CALN1: variants seen among roughly 807,000 people sequenced by gnomAD.
The protein encoded by CALN1 is calneuron 1.
A neutral mutation model predicts 30.6 loss-of-function variants in CALN1; 17 were observed. The observed-to-expected ratio is 0.56, with a 90% CI of 0.38 to 0.83. CALN1 has a LOEUF of 0.83. CALN1 is among the 40% of genes least tolerant of loss of function. The pLI is 0.00. For missense variants in CALN1, 291 were observed against 354.9 expected, an observed-to-expected ratio of 0.82 and a Z score of 1.45; for synonymous variants, 156 against 131.4, an observed-to-expected ratio of 1.19 and a Z score of -1.28.
chr7:71,913,385 C>G (rs534550058), intron 5 of CALN1, among the ~76,000 whole-genome samples: 2 of 152,164 alleles, frequency 1.3e-5, no homozygotes, highest in East Asian at 3.9e-4. Flanking sequence ...TTCAAAAGAT[C>G]AGAGGGGCAG....
chr7:71,897,428 C>A (rs1793590834), intron 5 of CALN1, among the ~76,000 whole-genome samples: 2 of 151,976 alleles, frequency 1.3e-5, no homozygotes, highest in Non-Finnish European at 2.9e-5. Flanking sequence ...TTGGAAGAAC[C>A]AAGCACTTGC....
At chr7:71,982,174 T>C (rs1798433801) in intron 5 of CALN1, among the ~76,000 whole-genome samples, 1 of 152,198 alleles carries the variant, frequency 6.6e-6, no homozygotes, top group South Asian at 2.1e-4. Flanking sequence ...GAAGCCCCTC[T>C]GTCTCCCTGC....
At chr7:72,301,207 C>T (rs1343172165) in intron 2 of CALN1, among the ~76,000 whole-genome samples, 1 of 152,080 alleles carries the variant, frequency 6.6e-6, no homozygotes, top group African/African-American at 2.4e-5. Flanking sequence ...TCCCAGTCAG[C>T]AGTTGCTAAG....
chr7:72,010,071 A>G (rs1331988748), intron 5 of CALN1, among the ~76,000 whole-genome samples: 2 of 152,218 alleles, frequency 1.3e-5, no homozygotes, highest in African/African-American at 2.4e-5. Context: ...ATTTGTAGAC[A>G]AAGTCATTGC....
intron 1 of CALN1, among the ~76,000 whole-genome samples, chr7:72,440,601 C>T (rs35218645): frequency 0.27 from 41,159 of 151,916 alleles, 6,022 homozygotes; most frequent in African/African-American, 0.37. Context: ...CTGAGGCAGG[C>T]GGATCACTTG....
chr7:72,230,545 A>G (rs530558348), intron 3 of CALN1, among the ~76,000 whole-genome samples: 3 of 151,116 alleles, frequency 2.0e-5, no homozygotes, highest in African/African-American at 7.3e-5. Flanking sequence ...ACAGTAGGAG[A>G]GTCAGAGAGA....
At chr7:72,083,344 T>A (rs1805276449) in intron 4 of CALN1, among the ~76,000 whole-genome samples, 1 of 152,080 alleles carries the variant, frequency 6.6e-6, no homozygotes, top group African/African-American at 2.4e-5. Context: ...AAATACAAAA[T>A]GTGAACAAAT....
chr7:71,790,309 AAG>A (rs1793260496), intron 6 of CALN1, among the ~76,000 whole-genome samples: 1 of 149,970 alleles, frequency 6.7e-6, no homozygotes, highest in African/African-American at 2.5e-5. Context: ...AGGAGAAAGA[AAG>A]AAGAAAGAAA....
chr7:71,886,691 T>TGAATCTGG (rs531952915), intron 5 of CALN1, among the ~76,000 whole-genome samples: 134 of 150,586 alleles, frequency 8.9e-4, no homozygotes, highest in Non-Finnish European at 1.5e-3. Context: ...AAGAATCACT[T>TGAATCTGG]GAATCTGGGA....
In CALN1 at chr7:71,855,554, C is replaced by T. The variant is rs1166530016; in HGVS notation, c.502-45062G>A. On this transcript the variant is annotated intron_variant, in intron 5 of 6. Coordinates refer to ENST00000395275, the MANE Select transcript of CALN1 (RefSeq NM_031468.4). ...GCTTGGCAATTCAAATGCAGCACCC[C>T]AGCCTTTCAATCTGGAGCTAGGGCT... Among the ~76,000 whole-genome samples, 4 of 152,130 alleles carry T rather than the reference C, an allele frequency of 2.6e-5. No individual in the cohort carries two copies. In the East Asian group the frequency reaches 7.7e-4, roughly 29 times the overall value.
chr7:72,147,968 A>T (rs2129543918), intron 3 of CALN1, among the ~76,000 whole-genome samples: 1 of 150,936 alleles, frequency 6.6e-6, no homozygotes, highest in South Asian at 2.1e-4. Context: ...GGGGAGGGAT[A>T]GCATTAGGAG....
intron 3 of CALN1, among the ~76,000 whole-genome samples, chr7:72,263,993 G>A (rs1177684805): frequency 1.3e-5 from 2 of 152,118 alleles, no homozygotes; most frequent in African/African-American, 2.4e-5. Flanking sequence ...AAGTGAAATT[G>A]ATGAGGGCCA....
At chr7:72,095,901 G>A (rs1024915547) in intron 4 of CALN1, among the ~76,000 whole-genome samples, 1 of 152,078 alleles carries the variant, frequency 6.6e-6, no homozygotes, top group Non-Finnish European at 1.5e-5. Context: ...GCCAGGCATG[G>A]TGACGACGCA....
At chr7:72,308,392 AGAGAG>A (rs1165746374) in intron 2 of CALN1, among the ~76,000 whole-genome samples, 6 of 139,256 alleles carry the variant, frequency 4.3e-5, no homozygotes, top group Admixed American at 1.5e-4. Context: ...AGAGAGAGAG[AGAGAG>A]AGAGAGAGGA....
chr7:71,913,063 G>A (rs1239490993), intron 5 of CALN1, among the ~76,000 whole-genome samples: 1 of 152,170 alleles, frequency 6.6e-6, no homozygotes, highest in East Asian at 1.9e-4. Flanking sequence ...AGCTGCGAGT[G>A]TTTATCTACT....
intron 1 of CALN1, among the ~76,000 whole-genome samples, chr7:72,445,967 G>A (rs998702053): frequency 6.6e-6 from 1 of 152,134 alleles, no homozygotes; most frequent in African/African-American, 2.4e-5. Context: ...TAAAGCCCCT[G>A]GAAAATTCAG....
chr7:72,366,759 C>A (rs1017349456), intron 2 of CALN1, among the ~76,000 whole-genome samples: 5 of 151,858 alleles, frequency 3.3e-5, no homozygotes, highest in African/African-American at 1.2e-4. Flanking sequence ...TTATGATAAC[C>A]ATTTATTCAA....
intron 2 of CALN1, among the ~76,000 whole-genome samples, chr7:72,290,071 C>A (rs1316086367): frequency 1.1e-5 from 1 of 91,460 alleles, no homozygotes; most frequent in East Asian, 3.1e-4. Flanking sequence ...GAGAACGAGA[C>A]CCTGTCTTAA....
chr7:72,378,878 T>G (rs1804723926), intron 2 of CALN1, among the ~76,000 whole-genome samples: 1 of 152,104 alleles, frequency 6.6e-6, no homozygotes, highest in Admixed American at 6.5e-5. Flanking sequence ...TGTATCCTAC[T>G]TTTCTGAAAG....
Sources: allele counts gnomAD v4.1 joint callset (sites outside exome capture counted in the v4.1 genomes callset), GRCh38; gene constraint gnomAD v4.1.1; transcripts MANE v1.5; gene names NCBI Gene and HGNC (gene_info 2026-07-23, HGNC 2026-07-21).